Variants in CSMD1 observed in about 807,000 individuals in gnomAD.
CSMD1 encodes the protein CUB and sushi domain-containing protein 1.
In CSMD1, 213 loss-of-function variants were observed where a neutral mutation model predicts 417.5. The ratio of observed to expected loss-of-function variants is 0.51; its 90% CI spans 0.46 to 0.57. The LOEUF (loss-of-function observed/expected upper bound fraction) is 0.57. Among genes scored for constraint, CSMD1 ranks in the 20% least tolerant of loss-of-function variants. The probability of loss-of-function intolerance (pLI) is 0.00; values close to 1 mark genes in which losing one functional copy is unlikely to be tolerated. For synonymous variants in CSMD1, 2,862 were observed against 1,736.8 expected, an observed-to-expected ratio of 1.65 and a Z score of -16.11; for missense variants, 6,923 against 4,529.7, an observed-to-expected ratio of 1.53 and a Z score of -15.17.
intron 3 of CSMD1, among the ~76,000 whole-genome samples, chr8:4,323,765 C>G (rs914337692): frequency 7.2e-5 from 11 of 152,126 alleles, no homozygotes; most frequent in African/African-American, 2.7e-4. Flanking sequence ...CCCCCCTTCC[C>G]CTGGCCAGAC....
intron 2 of CSMD1, among the ~76,000 whole-genome samples, chr8:4,447,404 A>G (rs1798878000): frequency 6.6e-6 from 1 of 152,208 alleles, no homozygotes; most frequent in Non-Finnish European, 1.5e-5. Flanking sequence ...TTGGGAAAGG[A>G]AGCCTGAAGT....
chr8:3,605,423 G>A (rs1251704871), intron 8 of CSMD1, among the ~76,000 whole-genome samples: 1 of 152,234 alleles, frequency 6.6e-6, no homozygotes, highest in African/African-American at 2.4e-5. Flanking sequence ...CTACAATGGA[G>A]AAATAATAAA....
chr8:4,446,935 T>TAA (rs1336537553), intron 2 of CSMD1, among the ~76,000 whole-genome samples: 1 of 136,922 alleles, frequency 7.3e-6, no homozygotes, highest in African/African-American at 3.2e-5. Flanking sequence ...CCGTGTTTAT[T>TAA]TAAAAAAAAA....
chr8:4,250,027 T>C (rs1211285536), intron 3 of CSMD1, among the ~76,000 whole-genome samples: 1 of 152,072 alleles, frequency 6.6e-6, no homozygotes, highest in Non-Finnish European at 1.5e-5. Flanking sequence ...TCTGTACCCA[T>C]GAATAAATTG....
chr8:3,047,495 C>T (rs527656299), intron 50 of CSMD1, among the ~76,000 whole-genome samples: 1 of 152,278 alleles, frequency 6.6e-6, no homozygotes, highest in East Asian at 1.9e-4. Context: ...CTCCAGGACG[C>T]TCAGTGAGGG....
At chr8:4,043,108 G>C (rs949617545) in intron 3 of CSMD1, among the ~76,000 whole-genome samples, 2 of 152,142 alleles carry the variant, frequency 1.3e-5, no homozygotes, top group South Asian at 2.1e-4. Context: ...CTTCCAGCCT[G>C]GGTGAGACAG....
chr8:3,431,018 C>A (rs941106031), intron 12 of CSMD1, among the ~76,000 whole-genome samples: 5 of 152,072 alleles, frequency 3.3e-5, no homozygotes, highest in Non-Finnish European at 5.9e-5. Context: ...GGTTTTAGTT[C>A]CTTAGCAAGA....
Position 4,554,497 on chromosome 8 carries a change from T to C in CSMD1, c.302+82845A>G, listed in dbSNP as rs76879524. Among the ~76,000 whole-genome samples the C allele has an allele frequency of 5.7e-3, 865 of 152,296 alleles. 7 individuals carry two copies. The highest frequency in any genetic ancestry group is 0.02 in the African/African-American group (824 of 41,558). ...TAATAATTTGAGAATCTGGAACAAATTTCCTGTTTAATTTGTGGCTTTATA... is the reference window on the plus strand; with the variant it reads ...TAATAATTTGAGAATCTGGAACAAACTTCCTGTTTAATTTGTGGCTTTATA... On this transcript the variant is annotated intron_variant, in intron 2 of 69. Transcript: ENST00000635120.
chr8:4,373,243 G>A (rs576739761), intron 3 of CSMD1, among the ~76,000 whole-genome samples: 18 of 152,260 alleles, frequency 1.2e-4, no homozygotes, highest in African/African-American at 3.4e-4. Flanking sequence ...CAGCCAAGAG[G>A]AGCCTACGAA....
At chr8:3,769,540 A>G (rs1182464544) in intron 5 of CSMD1, among the ~76,000 whole-genome samples, 2 of 151,980 alleles carry the variant, frequency 1.3e-5, no homozygotes, top group African/African-American at 4.8e-5. Flanking sequence ...TAGTGACAAA[A>G]ATACACCTAG....
At chr8:4,544,856 G>A (rs533257979) in intron 2 of CSMD1, among the ~76,000 whole-genome samples, 1 of 152,292 alleles carries the variant, frequency 6.6e-6, no homozygotes, top group East Asian at 1.9e-4. Context: ...TAGGGAACTG[G>A]AATTGAATAA....
At chr8:4,596,515 C>A (rs1412651747) in intron 2 of CSMD1, among the ~76,000 whole-genome samples, 1 of 151,896 alleles carries the variant, frequency 6.6e-6, no homozygotes, top group Non-Finnish European at 1.5e-5. Context: ...AGACTCTGTT[C>A]CTTAACAGTA....
At chr8:3,414,191 CAA>C (rs1251704590) in intron 12 of CSMD1, among the ~76,000 whole-genome samples, 2 of 42,910 alleles carry the variant, frequency 4.7e-5, no homozygotes, top group Non-Finnish European at 8.8e-5. Flanking sequence ...GGTATCAATT[CAA>C]AGACTGATGC....
At chr8:3,726,627 A>G (rs952697007) in intron 6 of CSMD1, among the ~76,000 whole-genome samples, 17 of 152,192 alleles carry the variant, frequency 1.1e-4, no homozygotes, top group African/African-American at 4.1e-4. Context: ...GGGTAGGTAC[A>G]TCAATCCTTT....
intron 46 of CSMD1, among the ~76,000 whole-genome samples, chr8:3,097,395 C>T (rs1338462661): frequency 1.3e-5 from 2 of 152,156 alleles, no homozygotes; most frequent in Non-Finnish European, 2.9e-5. Context: ...TACAGAAATA[C>T]AGTGAAATGT....
chr8:4,103,397 T>C (rs1039231346), intron 3 of CSMD1, among the ~76,000 whole-genome samples: 1 of 151,400 alleles, frequency 6.6e-6, no homozygotes, highest in Non-Finnish European at 1.5e-5. Context: ...ATTGGCCAAA[T>C]TCTCTATCTT....
intron 1 of CSMD1, among the ~76,000 whole-genome samples, chr8:4,729,293 C>T (rs1409385336): frequency 2.0e-5 from 3 of 152,060 alleles, no homozygotes; most frequent in Admixed American, 6.6e-5. Flanking sequence ...TTCGGAAATG[C>T]AGTCATCGAT....
intron 1 of CSMD1, among the ~76,000 whole-genome samples, chr8:4,833,196 G>C (rs752833756): frequency 6.6e-6 from 1 of 152,158 alleles, no homozygotes; most frequent in Non-Finnish European, 1.5e-5. Flanking sequence ...TGTGAGACTG[G>C]GTAATTTATA....
At chr8:3,883,049 A>G (rs1403591) in intron 5 of CSMD1, among the ~76,000 whole-genome samples, 144,677 of 152,218 alleles carry the variant, frequency 0.95, 68,861 homozygotes, top group African/African-American at 0.99. Flanking sequence ...GAACATATCT[A>G]AGAGCCACTG....
Sources: gnomAD v4.1 joint callset for allele counts (sites outside exome capture counted in the v4.1 genomes callset) on GRCh38, gnomAD v4.1.1 for gene constraint, MANE v1.5 for transcripts, NCBI Gene and HGNC (gene_info 2026-07-23, HGNC 2026-07-21) for gene names.